The following UCHL5 variants were observed in gnomAD, a reference collection of about 807,000 sequenced individuals.
UCHL5 encodes the protein ubiquitin C-terminal hydrolase L5.
UCHL5 carries 34 observed loss-of-function variants against 53.8 expected under a neutral mutation model. That is an observed-to-expected ratio of 0.63 (90% CI 0.48 to 0.84). The LOEUF is 0.84. UCHL5 is among the 40% of genes least tolerant of loss of function. The probability of loss-of-function intolerance (pLI) is 0.00; values close to 1 mark genes in which losing one functional copy is unlikely to be tolerated. For missense variants in UCHL5, 290 were observed against 385.6 expected, an observed-to-expected ratio of 0.75 and a Z score of 2.08; for synonymous variants, 111 against 126.3, an observed-to-expected ratio of 0.88 and a Z score of 0.81.
chr1:193,056,742 TTTTTG>T (rs1439681911), intron 1 of UCHL5, among the ~76,000 whole-genome samples: 6 of 152,226 alleles, frequency 3.9e-5, no homozygotes, highest in African/African-American at 1.4e-4. Flanking sequence ...AGGTATTTCA[TTTTTG>T]AAAGAATCAA....
At chr1:193,059,667 TGCTGTG>T (rs1024380496), upstream of UCHL5, 5 of 1,373,658 alleles carry the variant, frequency 3.6e-6, no homozygotes, top group Non-Finnish European at 4.9e-6. This position sits in a 1 kb window ranked among gnomAD's most constrained non-coding sequence, Gnocchi z 4.9. Context: ...CTGTTGCTGT[TGCTGTG>T]GCTGTCGCTG....
chr1:193,037,240 C>A (rs1398534805), intron 3 of UCHL5, among the ~76,000 whole-genome samples: 1 of 151,362 alleles, frequency 6.6e-6, no homozygotes, highest in East Asian at 1.9e-4. Flanking sequence ...ATTGACAAAC[C>A]TTTACCCAGG....
At chr1:193,055,470 T>G (rs1670337125) in intron 1 of UCHL5, among the ~76,000 whole-genome samples, 1 of 152,242 alleles carries the variant, frequency 6.6e-6, no homozygotes, top group East Asian at 1.9e-4. Context: ...ATGAATCTCC[T>G]GCTGCCTACT....
chr1:193,046,280 C>T (rs1323054236), intron 3 of UCHL5, among the ~76,000 whole-genome samples: 2 of 152,122 alleles, frequency 1.3e-5, no homozygotes, highest in East Asian at 3.8e-4. Flanking sequence ...ATCCTCCCAC[C>T]TCAGCCTTCC....
chr1:193,018,616 C>T (rs1275623310), intron 10 of UCHL5: 1 of 1,248,636 alleles, frequency 8.0e-7, no homozygotes, highest in Non-Finnish European at 1.0e-6. Flanking sequence ...GAGGGAGAAT[C>T]ACTTTTTATT....
chr1:193,059,494 G>A (rs777153396), upstream of UCHL5: 1 of 1,600,832 alleles, frequency 6.2e-7, no homozygotes, highest in African/African-American at 1.3e-5. This position sits in a 1 kb window ranked among gnomAD's most constrained non-coding sequence, Gnocchi z 4.9. Context: ...AGCACCCGTA[G>A]CGGATTCGGA....
chr1:193,018,970 G>T, intron 10 of UCHL5: 3 of 542,532 alleles, frequency 5.5e-6, no homozygotes, highest in Middle Eastern at 5.3e-4. Context: ...TATTCTAACA[G>T]TTTTTCAACA....
intron 1 of UCHL5, among the ~76,000 whole-genome samples, chr1:193,058,318 T>C (rs915510440): frequency 6.6e-6 from 1 of 152,212 alleles, no homozygotes; most frequent in African/African-American, 2.4e-5. Context: ...ATTCCAAATA[T>C]TAAGCTGTGT....
intron 10 of UCHL5, among the ~76,000 whole-genome samples, chr1:193,016,597 A>G (rs1046488704): frequency 6.6e-6 from 1 of 151,840 alleles, no homozygotes; most frequent in African/African-American, 2.4e-5. Context: ...TTGCCCTAAG[A>G]AAGGATCATG....
At position 193,013,777 on chromosome 1, in the gene UCHL5, C is replaced by T. The variant is rs1368777662; in HGVS notation, c.*2574G>A. ...TCTGCATGTAACACCATAATATACA[C>T]ACAAATATGTACCATGGTCCTAACT... is the stretch of plus-strand genomic sequence containing the variant. On this transcript the variant is annotated 3_prime_UTR_variant, in exon 11 of 11. Coordinates refer to ENST00000367454, the MANE Select transcript of UCHL5 (RefSeq NM_001199261.3). The T allele has an allele frequency of 6.6e-6, 1 of 152,114 alleles. No individual in the cohort carries two copies. The highest frequency in any genetic ancestry group is 1.5e-5 in the Non-Finnish European group (1 of 68,016). 9.4% of individuals were successfully genotyped at this position (152,114 alleles called of 1,614,324 possible).
intron 3 of UCHL5, among the ~76,000 whole-genome samples, chr1:193,047,423 C>A (rs930227932): frequency 2.6e-5 from 4 of 151,896 alleles, no homozygotes; most frequent in East Asian, 3.8e-4. Flanking sequence ...CTATAAAAAA[C>A]CCTATTTTCC....
intron 7 of UCHL5, among the ~76,000 whole-genome samples, chr1:193,027,647 T>C (rs1278896353): frequency 2.0e-5 from 3 of 152,190 alleles, no homozygotes; most frequent in Non-Finnish European, 4.4e-5. Flanking sequence ...ATTGTGCCAC[T>C]GCACTCCAGC....
At chr1:193,056,227 T>A (rs2102928323) in intron 1 of UCHL5, among the ~76,000 whole-genome samples, 1 of 152,298 alleles carries the variant, frequency 6.6e-6, no homozygotes, top group African/African-American at 2.4e-5. Flanking sequence ...ACCTCTCTCA[T>A]TCCTATACTG....
chr1:193,050,047 A>G (rs191297026), intron 2 of UCHL5, among the ~76,000 whole-genome samples, 196 bp from the exon 3 acceptor site: 10 of 152,356 alleles, frequency 6.6e-5, no homozygotes, highest in South Asian at 4.1e-4. Flanking sequence ...ACTTAAAATT[A>G]TATCAGTTAA....
At chr1:193,057,129 C>T (rs1670861794) in intron 1 of UCHL5, among the ~76,000 whole-genome samples, 1 of 152,244 alleles carries the variant, frequency 6.6e-6, no homozygotes, top group South Asian at 2.1e-4. Context: ...AACTCAGTGT[C>T]TGTCCAAATC....
intron 6 of UCHL5, 105 bp from the exon 7 acceptor site, chr1:193,028,253 AT>A: frequency 1.0e-6 from 1 of 965,742 alleles, no homozygotes; most frequent in Non-Finnish European, 1.5e-6. Context: ...ATTTTAATAA[AT>A]TTAGAGCAGT....
chr1:193,029,580 G>A lies in UCHL5; in HGVS notation c.324C>T (p.Gly108=), dbSNP rs751461222. The A allele has an allele frequency of 5.6e-6, 9 of 1,613,222 alleles. No homozygotes were observed. Among genetic ancestry groups the A allele is most frequent in the East Asian group, 2.2e-5 (1 of 44,838 alleles). Residue 108 remains glycine (G), a synonymous_variant, in exon 4 of 11, where the codon GGC becomes GGT. Coordinates refer to ENST00000367454, the MANE Select transcript of UCHL5 (RefSeq NM_001199261.3). ...ATTCTTTAAACTCTGATAATGTCTC[G>A]CCTAAATGGACATCCTGGTGGGTAC... ...LNCTHQDVHL[G]ETLSEFKEFS...
chr1:193,016,435 C>G, intron 10 of UCHL5, 40 bp from the exon 11 acceptor site: 1 of 1,565,332 alleles, frequency 6.4e-7, no homozygotes, highest in South Asian at 1.1e-5. Context: ...TTTTAAAAGT[C>G]AGTTTTAGAC....
chr1:193,031,400 T>G (rs1276639719), intron 3 of UCHL5, among the ~76,000 whole-genome samples: 1 of 152,168 alleles, frequency 6.6e-6, no homozygotes, highest in African/African-American at 2.4e-5. Context: ...GACTTCAAAT[T>G]TGTAATCCAT....
Sources: allele counts gnomAD v4.1 joint callset (sites outside exome capture counted in the v4.1 genomes callset), GRCh38; gene constraint gnomAD v4.1.1; non-coding constraint Gnocchi (gnomAD v3.1); transcripts MANE v1.5; gene names NCBI Gene and HGNC (gene_info 2026-07-23, HGNC 2026-07-21).